Variants in CAMK2G observed in about 807,000 individuals in gnomAD.
The protein encoded by CAMK2G is calcium/calmodulin dependent protein kinase II gamma, also known as calcium/calmodulin-dependent protein kinase type II subunit gamma.
A neutral mutation model predicts 88.7 loss-of-function variants in CAMK2G; 23 were observed. The observed-to-expected ratio is 0.26, with a 90% CI of 0.19 to 0.37. The LOEUF (loss-of-function observed/expected upper bound fraction) is 0.37, where lower values mean the gene tolerates loss of function less well. CAMK2G is among the 10% of genes least tolerant of loss of function. The pLI, the probability that CAMK2G is intolerant of heterozygous loss-of-function variation, is 1.00. For missense variants in CAMK2G, 476 were observed against 780.8 expected, an observed-to-expected ratio of 0.61 and a Z score of 4.65; for synonymous variants, 263 against 294.8, an observed-to-expected ratio of 0.89 and a Z score of 1.11.
At chr10:73,847,376 T>C (rs1248495862) in intron 9 of CAMK2G, 29 bp from the exon 10 acceptor site, 5 of 1,613,094 alleles carry the variant, frequency 3.1e-6, no homozygotes, top group Non-Finnish European at 4.2e-6. Context: ...GAGAAGAATG[T>C]GGTATTGGTG....
chr10:73,829,451 C>T (rs1339744462), intron 14 of CAMK2G, among the ~76,000 whole-genome samples: 2 of 151,790 alleles, frequency 1.3e-5, no homozygotes, highest in Non-Finnish European at 2.9e-5. Context: ...CCCGCCACCA[C>T]GCCCCACTGA....
intron 19 of CAMK2G, chr10:73,817,836 G>A (rs544848112): frequency 1.8e-5 from 9 of 506,118 alleles, no homozygotes; most frequent in South Asian, 5.3e-5. Context: ...CAGAAAACAC[G>A]CTTGCCTTTA....
chr10:73,871,632 C>G (rs572661045), intron 2 of CAMK2G, among the ~76,000 whole-genome samples: 2 of 152,292 alleles, frequency 1.3e-5, no homozygotes, highest in Non-Finnish European at 2.9e-5. Context: ...CCCCCCACCC[C>G]CACTCCAGGG....
intron 2 of CAMK2G, among the ~76,000 whole-genome samples, chr10:73,871,187 G>C (rs891381840): frequency 6.6e-6 from 1 of 151,912 alleles, no homozygotes; most frequent in African/African-American, 2.4e-5. Flanking sequence ...AAATCAACGA[G>C]AAATCAAGTC....
intron 2 of CAMK2G, among the ~76,000 whole-genome samples, chr10:73,862,179 AC>A (rs1235766377): frequency 6.6e-6 from 1 of 151,928 alleles, no homozygotes; most frequent in Non-Finnish European, 1.5e-5. Flanking sequence ...CGGAGGCCTC[AC>A]AGCCCTCCCC....
In CAMK2G at chr10:73,860,901, A is replaced by C; in HGVS notation, c.161-12T>G. On this transcript the variant is annotated splice_polypyrimidine_tract_variant and intron_variant, in intron 2 of 22. Transcript: ENST00000423381. ...TAGTTTCTGGTGATCTAAAAGCAGA[A>C]GAGAAAAAACAAAAGCCATCAACCA... is the stretch of plus-strand genomic sequence containing the variant. 2.5e-6 allele frequency: 4 copies of C among 1,610,462 alleles called. No individual in the cohort carries two copies. In the East Asian group the frequency reaches 8.9e-5, roughly 36 times the overall value.
intron 12 of CAMK2G, chr10:73,841,823 C>A (rs944677256): frequency 4.3e-6 from 1 of 234,104 alleles, no homozygotes; most frequent in Admixed American, 5.1e-5. Flanking sequence ...TCTCTCTTTT[C>A]TTCCCCCAGC....
rs566453249 is a variant in CAMK2G at position 73,825,445 on chromosome 10, G to C, written c.1087-98C>G. 54 of 900,270 alleles carry C rather than the reference G, an allele frequency of 6.0e-5. No individual in the cohort carries two copies. The African/African-American group carries it at 8.3e-4, about 14-fold the overall frequency. The allele number at this position is 900,270 out of a possible 1,614,324, so 55.8% of individuals were successfully genotyped here. On this transcript the variant is annotated intron_variant, in intron 15 of 22. Transcript: ENST00000423381. Reference sequence around the variant, plus strand: ...CCTTGCCCCCTGGTCTGGCCTGGAGGAGGTAGGCCTGAGGTGGCCTCCATA... The same window carrying C: ...CCTTGCCCCCTGGTCTGGCCTGGAGCAGGTAGGCCTGAGGTGGCCTCCATA...
At chr10:73,856,581 C>T (rs182136347) in intron 3 of CAMK2G, among the ~76,000 whole-genome samples, 4 of 152,214 alleles carry the variant, frequency 2.6e-5, no homozygotes, top group East Asian at 3.8e-4. Context: ...CTAAGCACAA[C>T]TGTGTCATGC....
Position 73,843,237 on chromosome 10 carries a change from T to C in CAMK2G, c.820-696A>G, listed in dbSNP as rs559761826. 1.1e-4 allele frequency among the ~76,000 whole-genome samples: 16 copies of C among 152,236 alleles called. 1 individual carries two copies. In the East Asian group the frequency reaches 3.1e-3, roughly 29 times the overall value. On this transcript the variant is annotated intron_variant, in intron 10 of 22. Transcript: ENST00000423381. The stretch of plus-strand genomic sequence containing the variant: ...TCCCACCACACCCAGCTAATTTTTG[T>C]ATTTTTAGTAGAGACAGGGTTGGCC...
intron 2 of CAMK2G, among the ~76,000 whole-genome samples, chr10:73,868,643 G>A (rs1243721398): frequency 6.6e-6 from 1 of 152,184 alleles, no homozygotes; most frequent in Admixed American, 6.5e-5. Context: ...TTCCAGTGCT[G>A]TGTGGATTTC....
At chr10:73,852,231 G>A (rs1328797332) in intron 5 of CAMK2G, 23 bp downstream of exon 5, 1 of 1,600,690 alleles carries the variant, frequency 6.2e-7, no homozygotes, top group African/African-American at 1.3e-5. Context: ...AGCTACATTT[G>A]AACTCTCGGG....
At chr10:73,859,031 G>A (rs1165970770) in intron 3 of CAMK2G, among the ~76,000 whole-genome samples, 2 of 152,206 alleles carry the variant, frequency 1.3e-5, no homozygotes, top group Non-Finnish European at 2.9e-5. Context: ...AATTATCACT[G>A]CTGTACCAGT....
intron 12 of CAMK2G, among the ~76,000 whole-genome samples, chr10:73,841,063 C>T (rs948029050): frequency 4.6e-5 from 7 of 152,224 alleles, no homozygotes; most frequent in South Asian, 2.1e-4. Context: ...CCACCAGCCC[C>T]GGGCTCACTA....
chr10:73,844,095 A>ATT (rs879447944), intron 10 of CAMK2G, among the ~76,000 whole-genome samples: 1 of 145,696 alleles, frequency 6.9e-6, no homozygotes. Context: ...AAACAAAAAA[A>ATT]TTTTTTTTTT....
intron 2 of CAMK2G, among the ~76,000 whole-genome samples, chr10:73,863,514 C>T (rs1178637974): frequency 3.9e-5 from 6 of 152,220 alleles, no homozygotes; most frequent in Non-Finnish European, 5.9e-5. Context: ...TACAGACCCA[C>T]GGCCCTCTCT....
At chr10:73,834,515 T>C (rs2092963989) in intron 14 of CAMK2G, among the ~76,000 whole-genome samples, 1 of 152,144 alleles carries the variant, frequency 6.6e-6, no homozygotes, top group South Asian at 2.1e-4. Context: ...ATCCTCAGGG[T>C]TCCTGGAAGA....
intron 10 of CAMK2G, among the ~76,000 whole-genome samples, chr10:73,845,813 C>A (rs1204055863): frequency 6.6e-6 from 1 of 152,100 alleles, no homozygotes. Context: ...TGAGACCTCA[C>A]CTGGTCTTGC....
intron 21 of CAMK2G, chr10:73,816,294 C>T (rs1473618402): frequency 1.2e-5 from 12 of 989,734 alleles, no homozygotes; most frequent in Non-Finnish European, 1.4e-5. Context: ...CTTCCGATCT[C>T]GCAAATCACC....
Sources: gnomAD v4.1 joint callset for allele counts (sites outside exome capture counted in the v4.1 genomes callset) on GRCh38, gnomAD v4.1.1 for gene constraint, MANE v1.5 for transcripts, NCBI Gene and HGNC (gene_info 2026-07-23, HGNC 2026-07-21) for gene names.